The following SGCZ variants were observed in gnomAD, a reference collection of about 807,000 sequenced individuals.
The protein encoded by SGCZ is sarcoglycan zeta.
SGCZ carries 40 observed loss-of-function variants against 41.3 expected under a neutral mutation model. That is an observed-to-expected ratio of 0.97 (90% CI 0.75 to 1.26). The LOEUF is 1.26. Among genes scored for constraint, SGCZ ranks in the 50% most tolerant of loss-of-function variants. The pLI, the probability that SGCZ is intolerant of heterozygous loss-of-function variation, is 0.00. For synonymous variants in SGCZ, 206 were observed against 137.5 expected (o/e 1.50, Z -3.49); for missense variants, 552 against 369.8 (o/e 1.49, Z -4.04).
chr8:14,952,721 G>A (rs1028643891), intron 1 of SGCZ, among the ~76,000 whole-genome samples: 2 of 152,102 alleles, frequency 1.3e-5, no homozygotes. Flanking sequence ...AAGAAGTGGG[G>A]CAGGGACATT....
At chr8:15,020,499 C>T (rs781717386) in intron 1 of SGCZ, among the ~76,000 whole-genome samples, 10 of 152,016 alleles carry the variant, frequency 6.6e-5, no homozygotes, top group African/African-American at 1.9e-4. Context: ...ACTGTCAATG[C>T]GGCTGGCTCT....
At chr8:14,157,199 C>T (rs1272335428) in intron 5 of SGCZ, among the ~76,000 whole-genome samples, 1 of 151,170 alleles carries the variant, frequency 6.6e-6, no homozygotes, top group African/African-American at 2.4e-5. Flanking sequence ...TCCATCATAA[C>T]CTCCTGGGAC....
rs556373018 is a variant in SGCZ at position 14,633,992 on chromosome 8, C to T, written c.40-79066G>A. Among the ~76,000 whole-genome samples the T allele has an allele frequency of 8.6e-5, 13 of 151,872 alleles. No individual in the cohort carries two copies. The East Asian group carries it at 1.9e-3, about 23-fold the overall frequency. ...TGCACTTGGTTGAGATCCAAGACTA[C>T]CAGTATAAATGATTCTAATACATTT... On this transcript the variant is annotated intron_variant, in intron 1 of 7. Coordinates refer to ENST00000382080, the MANE Select transcript of SGCZ (RefSeq NM_139167.4).
chr8:14,299,599 G>C (rs1205329666), intron 3 of SGCZ, among the ~76,000 whole-genome samples: 1 of 151,834 alleles, frequency 6.6e-6, no homozygotes, highest in Non-Finnish European at 1.5e-5. Flanking sequence ...GAATATCTCT[G>C]ACAACCACAA....
At chr8:15,097,512 G>T (rs1806392300) in intron 1 of SGCZ, among the ~76,000 whole-genome samples, 1 of 151,852 alleles carries the variant, frequency 6.6e-6, no homozygotes, top group South Asian at 2.1e-4. Context: ...ACTTTGGGAG[G>T]CCAAGATGGG....
intron 4 of SGCZ, among the ~76,000 whole-genome samples, chr8:14,206,125 T>C (rs1017885220): frequency 4.6e-5 from 7 of 152,284 alleles, no homozygotes; most frequent in African/African-American, 1.7e-4. Context: ...ATAATTTTTA[T>C]GTTTCTAAGT....
chr8:14,142,646 G>T (rs1236439603), intron 5 of SGCZ, among the ~76,000 whole-genome samples: 1 of 152,032 alleles, frequency 6.6e-6, no homozygotes. Flanking sequence ...GAGGTGATAT[G>T]GTTGGACTCT....
chr8:14,436,978 T>A (rs1297738389), intron 2 of SGCZ, among the ~76,000 whole-genome samples: 2 of 152,184 alleles, frequency 1.3e-5, no homozygotes, highest in Admixed American at 6.5e-5. Flanking sequence ...TCCAAACTTT[T>A]AAGCAAAAGC....
At chr8:14,490,158 G>A (rs1801802432) in intron 2 of SGCZ, among the ~76,000 whole-genome samples, 1 of 152,090 alleles carries the variant, frequency 6.6e-6, no homozygotes, top group African/African-American at 2.4e-5. Flanking sequence ...GAGCCACCAT[G>A]CCCGGCCAAC....
At chr8:14,419,277 T>A (rs1008244692) in intron 2 of SGCZ, among the ~76,000 whole-genome samples, 1 of 151,974 alleles carries the variant, frequency 6.6e-6, no homozygotes. Flanking sequence ...GAAAAAAATG[T>A]CCTAACAGCT....
At chr8:14,680,908 T>C (rs1374110641) in intron 1 of SGCZ, among the ~76,000 whole-genome samples, 5 of 134,134 alleles carry the variant, frequency 3.7e-5, no homozygotes, top group Non-Finnish European at 6.1e-5. Flanking sequence ...ATTAGTGAAC[T>C]TGAAAATATG....
At chr8:14,403,606 T>C (rs936814430) in intron 2 of SGCZ, among the ~76,000 whole-genome samples, 6 of 152,188 alleles carry the variant, frequency 3.9e-5, no homozygotes, top group African/African-American at 1.4e-4. Flanking sequence ...GATTCGCGTA[T>C]ATTGAACCAG....
chr8:14,568,460 A>AAC (rs60177890), intron 1 of SGCZ, among the ~76,000 whole-genome samples: 11 of 140,718 alleles, frequency 7.8e-5, no homozygotes, highest in African/African-American at 2.9e-4. Flanking sequence ...AAAAAAAAAA[A>AAC]CTAAAGAAGA....
chr8:15,178,768 C>T (rs17575615), intron 1 of SGCZ, among the ~76,000 whole-genome samples: 2,932 of 151,484 alleles, frequency 0.019, 34 homozygotes, highest in South Asian at 0.036. Flanking sequence ...GGAATAATTA[C>T]GAAGACTGAG....
At chr8:14,760,525 G>A (rs1799832620) in intron 1 of SGCZ, among the ~76,000 whole-genome samples, 1 of 152,118 alleles carries the variant, frequency 6.6e-6, no homozygotes, top group South Asian at 2.1e-4. Context: ...AAAAATGTAT[G>A]CATGTATTTT....
At chr8:14,692,895 A>T (rs1262738216) in intron 1 of SGCZ, among the ~76,000 whole-genome samples, 1 of 152,214 alleles carries the variant, frequency 6.6e-6, no homozygotes, top group Non-Finnish European at 1.5e-5. Context: ...AAGATGCAAA[A>T]GCAAATAACA....
chr8:15,028,505 T>C (rs1014458226), intron 1 of SGCZ, among the ~76,000 whole-genome samples: 1 of 147,838 alleles, frequency 6.8e-6, no homozygotes, highest in Non-Finnish European at 1.5e-5. Context: ...AGGAACACTA[T>C]CGTCTTTCTA....
At chr8:14,992,934 T>A (rs1488530646) in intron 1 of SGCZ, among the ~76,000 whole-genome samples, 2 of 149,728 alleles carry the variant, frequency 1.3e-5, no homozygotes, top group African/African-American at 4.9e-5. Flanking sequence ...AAACCAATGT[T>A]ACCCTTGATA....
chr8:14,248,652 T>C (rs1799186422), intron 3 of SGCZ, among the ~76,000 whole-genome samples: 1 of 152,106 alleles, frequency 6.6e-6, no homozygotes, highest in Admixed American at 6.6e-5. Flanking sequence ...AGAAGGAGGA[T>C]AAAGAAATGG....
Sources: allele counts gnomAD v4.1 joint callset (sites outside exome capture counted in the v4.1 genomes callset), GRCh38; gene constraint gnomAD v4.1.1; transcripts MANE v1.5; gene names NCBI Gene and HGNC (gene_info 2026-07-23, HGNC 2026-07-21).